The following VTI1A variants were observed in gnomAD, a reference collection of about 807,000 sequenced individuals.
The protein encoded by VTI1A is vesicle transport through interaction with t-SNAREs homolog 1A.
Under a neutral mutation model 34.9 loss-of-function variants are expected in VTI1A, and 22 were observed. That is an observed-to-expected ratio of 0.63 (90% CI 0.45 to 0.90). The LOEUF (loss-of-function observed/expected upper bound fraction) is 0.90, where lower values mean the gene tolerates loss of function less well. Among genes scored for constraint, VTI1A ranks in the 40% least tolerant of loss-of-function variants. The pLI is 0.00. For missense variants in VTI1A, 268 were observed against 275.6 expected (o/e 0.97, Z 0.20); for synonymous variants, 87 against 97.3 (o/e 0.89, Z 0.62).
intron 7 of VTI1A, among the ~76,000 whole-genome samples, chr10:112,813,279 C>A (rs1472233808): frequency 1.3e-5 from 2 of 152,210 alleles, no homozygotes. Context: ...ACAAGTAACA[C>A]CCACAGTTAA....
chr10:112,655,008 A>G (rs545532161), intron 5 of VTI1A, among the ~76,000 whole-genome samples: 62 of 152,340 alleles, frequency 4.1e-4, no homozygotes, highest in African/African-American at 1.5e-3. Flanking sequence ...CACAGGCTGG[A>G]TTTGGCTAAA....
chr10:112,833,415 C>T, the VTI1A span, among the ~76,000 whole-genome samples: 1 of 151,980 alleles, frequency 6.6e-6, no homozygotes, highest in South Asian at 2.1e-4. Context: ...GCCTCGCCAG[C>T]CACTAAGGAA....
chr10:112,713,198 A>G (rs1281439980), intron 7 of VTI1A, among the ~76,000 whole-genome samples: 1 of 152,112 alleles, frequency 6.6e-6, no homozygotes, highest in Non-Finnish European at 1.5e-5. Flanking sequence ...GACCACCACG[A>G]TGCATGCACC....
chr10:112,672,057 TATTGA>T (rs563253687), intron 7 of VTI1A: 8 of 152,242 alleles, frequency 5.3e-5, no homozygotes, highest in African/African-American at 1.9e-4. Context: ...TCAAAGCAGC[TATTGA>T]AGATTCCACA....
chr10:112,708,531 T>C (rs1274983730), intron 7 of VTI1A, among the ~76,000 whole-genome samples: 1 of 152,264 alleles, frequency 6.6e-6, no homozygotes, highest in Non-Finnish European at 1.5e-5. Context: ...TGTTTTATAC[T>C]GTGCCAGCTA....
chr10:112,780,776 CCT>C (rs1437956428), intron 7 of VTI1A, among the ~76,000 whole-genome samples: 1 of 152,052 alleles, frequency 6.6e-6, no homozygotes, highest in Non-Finnish European at 1.5e-5. Flanking sequence ...CACGATTCCG[CCT>C]CTGTTTCCTC....
chr10:112,734,031 C>T lies in VTI1A; in HGVS notation c.560+65033C>T, dbSNP rs188716813. ...CCTCCCAAAGTGCTGGGATTACAGG[C>T]GTGAGCCACCGTGCCTGGCCTTCAT... On this transcript the variant is annotated intron_variant, in intron 7 of 7. Coordinates refer to ENST00000393077, the MANE Select transcript of VTI1A (RefSeq NM_145206.4). Among the ~76,000 whole-genome samples the T allele has an allele frequency of 1.2e-3, 184 of 152,228 alleles. 1 individual carries two copies. The highest frequency in any genetic ancestry group is 1.2e-3 in the Non-Finnish European group (81 of 68,030).
At chr10:112,725,534 A>G (rs569114424) in intron 7 of VTI1A, among the ~76,000 whole-genome samples, 1 of 152,336 alleles carries the variant, frequency 6.6e-6, no homozygotes, top group African/African-American at 2.4e-5. Flanking sequence ...TCAACCTGTT[A>G]ACATAATAGT....
At chr10:112,850,884 G>T in the VTI1A span, among the ~76,000 whole-genome samples, 41 of 152,272 alleles carry the variant, frequency 2.7e-4, no homozygotes, top group Non-Finnish European at 4.6e-4. Context: ...TACGAAACCT[G>T]GATCTGCCCC....
At chr10:112,561,018 C>T (rs574187559) in intron 5 of VTI1A, among the ~76,000 whole-genome samples, 1 of 152,178 alleles carries the variant, frequency 6.6e-6, no homozygotes, top group South Asian at 2.1e-4. Flanking sequence ...TAGAATTAAT[C>T]TTTGTCTCTT....
At chr10:112,800,298 C>T (rs1214140565) in intron 7 of VTI1A, among the ~76,000 whole-genome samples, 2 of 152,156 alleles carry the variant, frequency 1.3e-5, no homozygotes, top group Non-Finnish European at 2.9e-5. Context: ...CAGCCTGGAC[C>T]GGACAATCCA....
intron 7 of VTI1A, among the ~76,000 whole-genome samples, chr10:112,743,970 C>G (rs1346603356): frequency 2.0e-5 from 3 of 152,156 alleles, no homozygotes; most frequent in Non-Finnish European, 4.4e-5. Flanking sequence ...AAATCCACAT[C>G]AAATACTGGG....
intron 7 of VTI1A, among the ~76,000 whole-genome samples, chr10:112,803,439 G>A (rs1459371872): frequency 6.6e-6 from 1 of 152,236 alleles, no homozygotes; most frequent in Non-Finnish European, 1.5e-5. Context: ...ATGGATTTGA[G>A]TTGCCGTCAG....
At chr10:112,721,796 A>G (rs1193252827) in intron 7 of VTI1A, among the ~76,000 whole-genome samples, 2 of 141,920 alleles carry the variant, frequency 1.4e-5, no homozygotes, top group African/African-American at 6.3e-5. Flanking sequence ...ACCCATATAA[A>G]GAAGAATTGA....
chr10:112,724,778 CT>C (rs1458386140), intron 7 of VTI1A, among the ~76,000 whole-genome samples: 5 of 133,522 alleles, frequency 3.7e-5, no homozygotes, highest in Admixed American at 2.2e-4. Context: ...CCCATCCCCC[CT>C]TTTTTTGAAA....
chr10:112,714,481 A>G (rs1323153711), intron 7 of VTI1A, among the ~76,000 whole-genome samples: 1 of 152,228 alleles, frequency 6.6e-6, no homozygotes, highest in Non-Finnish European at 1.5e-5. Flanking sequence ...AGGAGTTGGC[A>G]TAGAGTAAGG....
intron 7 of VTI1A, among the ~76,000 whole-genome samples, chr10:112,714,939 T>C (rs2133928591): frequency 6.6e-6 from 1 of 152,346 alleles, no homozygotes; most frequent in East Asian, 1.9e-4. Context: ...AGAATTGTCA[T>C]CAGCGTTGCA....
intron 3 of VTI1A, among the ~76,000 whole-genome samples, chr10:112,526,271 G>T (rs187522412): frequency 6.6e-5 from 10 of 152,226 alleles, no homozygotes; most frequent in African/African-American, 2.2e-4. Context: ...TTATAGAGAG[G>T]GGTATATTTC....
chr10:112,757,915 C>A (rs1851342249), intron 7 of VTI1A, among the ~76,000 whole-genome samples: 1 of 152,128 alleles, frequency 6.6e-6, no homozygotes, highest in African/African-American at 2.4e-5. Context: ...AGCATGTGAA[C>A]ATTTTATATG....
Sources: allele counts gnomAD v4.1 joint callset (sites outside exome capture counted in the v4.1 genomes callset), GRCh38; gene constraint gnomAD v4.1.1; transcripts MANE v1.5; gene names NCBI Gene and HGNC (gene_info 2026-07-23, HGNC 2026-07-21).